Variants in RBM27 observed in about 807,000 individuals in gnomAD.
The protein encoded by RBM27 is RNA-binding protein 27.
Under a neutral mutation model 135.3 loss-of-function variants are expected in RBM27, and 22 were observed. The ratio of observed to expected loss-of-function variants is 0.16; its 90% confidence interval spans 0.12 to 0.23. The LOEUF (loss-of-function observed/expected upper bound fraction) is 0.23. RBM27 is among the 10% of genes least tolerant of loss of function. The pLI, the probability that RBM27 is intolerant of heterozygous loss-of-function variation, is 1.00. For missense variants in RBM27, 1,009 were observed against 1,281.0 expected, an observed-to-expected ratio of 0.79 and a Z score of 3.24; for synonymous variants, 481 against 442.4, an observed-to-expected ratio of 1.09 and a Z score of -1.10.
At chr5:146,228,248 A>T (rs934056327) in intron 3 of RBM27, among the ~76,000 whole-genome samples, 1 of 148,974 alleles carries the variant, frequency 6.7e-6, no homozygotes, top group Non-Finnish European at 1.5e-5. Context: ...AGGTAGATGG[A>T]CATGTTTCAT....
At chr5:146,260,373 T>G (rs966213434) in intron 11 of RBM27, among the ~76,000 whole-genome samples, 2 of 152,140 alleles carry the variant, frequency 1.3e-5, no homozygotes, top group African/African-American at 4.8e-5. Context: ...AAAGGAACTT[T>G]AAACAAATTA....
At chr5:146,210,752 C>T (rs1447123998) in intron 1 of RBM27, among the ~76,000 whole-genome samples, 1 of 150,890 alleles carries the variant, frequency 6.6e-6, no homozygotes, top group Non-Finnish European at 1.5e-5. Context: ...TGGAGACCAT[C>T]CTGGCTAACA....
At chr5:146,261,167 CA>C (rs1475759397) in intron 12 of RBM27, among the ~76,000 whole-genome samples, 3 of 152,182 alleles carry the variant, frequency 2.0e-5, no homozygotes, top group Admixed American at 2.0e-4. Flanking sequence ...AGTCCAAGAT[CA>C]AGGTGCTGGA....
intron 12 of RBM27, 45 bp from the exon 13 acceptor site, chr5:146,261,465 C>G (rs1395234518): frequency 6.6e-7 from 1 of 1,515,164 alleles, no homozygotes; most frequent in Non-Finnish European, 9.1e-7. Context: ...ATTTATTTAA[C>G]TATTTTCTGT....
intron 10 of RBM27, among the ~76,000 whole-genome samples, chr5:146,255,494 A>G (rs192989079): frequency 3.3e-5 from 5 of 152,344 alleles, no homozygotes; most frequent in Admixed American, 1.3e-4. Flanking sequence ...CACACTAATT[A>G]TATTGAGAAT....
At chr5:146,278,952 A>T (rs989477495) in intron 19 of RBM27, among the ~76,000 whole-genome samples, 2 of 151,150 alleles carry the variant, frequency 1.3e-5, no homozygotes, top group Admixed American at 1.3e-4. Context: ...CGATCTCCTG[A>T]CCTCGTGATC....
intron 1 of RBM27, among the ~76,000 whole-genome samples, chr5:146,217,631 G>A (rs2126705546): frequency 6.6e-6 from 1 of 151,726 alleles, no homozygotes; most frequent in Non-Finnish European, 1.5e-5. Context: ...CTTTCTGGCT[G>A]CTAGTGAAGG....
rs182850441 is a variant in RBM27 at position 146,222,332 on chromosome 5, A to G, written c.179-1071A>G. 4.0e-3 allele frequency among the ~76,000 whole-genome samples: 608 copies of G among 152,350 alleles called. 6 individuals carry two copies. Among genetic ancestry groups the G allele is most frequent in the South Asian group, 0.031 (150 of 4,828 alleles). ...AAGCAGAGTTTGTGTTGTGCTTTTA[A>G]TATGCTCTTTAGCTGTTCCTTAGGG... On this transcript the variant is annotated intron_variant, in intron 2 of 20. Transcript: ENST00000265271.
At chr5:146,240,127 T>G (rs1468586174) in intron 8 of RBM27, among the ~76,000 whole-genome samples, 1 of 152,120 alleles carries the variant, frequency 6.6e-6, no homozygotes, top group Non-Finnish European at 1.5e-5. Context: ...CTTTGTCCAC[T>G]ATTCCTCAAC....
intron 13 of RBM27, 75 bp from the exon 14 acceptor site, chr5:146,263,416 A>G (rs1416385033): frequency 1.4e-6 from 2 of 1,419,148 alleles, no homozygotes; most frequent in African/African-American, 1.4e-5. Context: ...CCCTAGAGTA[A>G]TCATCTTAAA....
chr5:146,280,666 C>G (rs1759303177), intron 19 of RBM27, among the ~76,000 whole-genome samples: 1 of 152,080 alleles, frequency 6.6e-6, no homozygotes, highest in Admixed American at 6.5e-5. Flanking sequence ...TTCATCTACT[C>G]ACTAAAATTT....
intron 14 of RBM27, among the ~76,000 whole-genome samples, chr5:146,265,897 A>G (rs1041189117): frequency 6.6e-6 from 1 of 152,174 alleles, no homozygotes; most frequent in African/African-American, 2.4e-5. Flanking sequence ...AATAGAAACT[A>G]TCCGTATTAA....
Position 146,263,635 on chromosome 5 carries a change from T to C in RBM27, c.2331+4T>C, listed in dbSNP as rs779003271. On this transcript the variant is annotated splice_donor_region_variant and intron_variant, in intron 14 of 20. Transcript: ENST00000265271. ...TGGTGCTGGAGAAGATTGCCAGGTA[T>C]GCATTTTTGGGAGCTTCAGATATAT... 1.9e-6 allele frequency: 3 copies of C among 1,613,172 alleles called. No individual in the cohort carries two copies. Among genetic ancestry groups the C allele is most frequent in the South Asian group, 2.2e-5 (2 of 90,828 alleles).
chr5:146,269,526 A>T lies in RBM27; in HGVS notation c.2633A>T (p.Asp878Val). ...ELGEKISQLK[D>V]ELKTSSAVST... is the part of the protein sequence containing the mutation. ...GGAGAGAAGATCTCACAATTAAAAG[A>T]TGAATTAAAAACATCTTCTGCAGTC... The change falls in exon 17 of 21, where the codon GAT becomes GTT. Residue 878 changes from aspartate to valine, a missense_variant. Transcript: ENST00000265271. 1 of 1,582,666 alleles carries T rather than the reference A, an allele frequency of 6.3e-7. No homozygotes were observed. Among genetic ancestry groups the T allele is most frequent in the Non-Finnish European group, 8.6e-7 (1 of 1,169,496 alleles).
At chr5:146,262,984 T>C (rs1465566175) in intron 13 of RBM27, among the ~76,000 whole-genome samples, 1 of 151,756 alleles carries the variant, frequency 6.6e-6, no homozygotes, top group African/African-American at 2.4e-5. Context: ...TGCCTCCTGG[T>C]TCAGGCTACC....
chr5:146,204,725 G>A (rs1755552637), intron 1 of RBM27, among the ~76,000 whole-genome samples: 1 of 152,108 alleles, frequency 6.6e-6, no homozygotes, highest in Non-Finnish European at 1.5e-5. Flanking sequence ...CCATTGAGAG[G>A]ACAGTTTTGT....
rs1350973748 is a variant in RBM27, at chr5:146,286,678, T to C, written c.*648T>C. The stretch of plus-strand genomic sequence containing the variant: ...GCTACAGCAATGGTAGCTAGCTCTA[T>C]AGTATTTCCATTCTCTTGTCATATG... On this transcript the variant is annotated 3_prime_UTR_variant, in exon 21 of 21. Transcript: ENST00000265271. The C allele has an allele frequency of 6.6e-6, 1 of 152,182 alleles. No homozygotes were observed. The highest frequency in any genetic ancestry group is 1.5e-5 in the Non-Finnish European group (1 of 68,050). The allele number at this position is 152,182 out of a possible 1,614,324, so 9.4% of individuals were successfully genotyped here. A position where few individuals can be genotyped will look rare whatever the true frequency, so the allele number is the denominator to read the frequency against.
rs562671159 is a variant in RBM27, at chr5:146,213,560, A to C, written c.60-5425A>C. 5.9e-5 allele frequency among the ~76,000 whole-genome samples: 9 copies of C among 152,306 alleles called. No individual in the cohort carries two copies. The East Asian group carries it at 1.7e-3, about 29-fold the overall frequency. ...TTAGATCCATATTCAGAAACATGTA[A>C]ATTTTTCTGCAAGTGGGAAAGGTCT... On this transcript the variant is annotated intron_variant, in intron 1 of 20. Transcript: ENST00000265271.
intron 7 of RBM27, 76 bp from the exon 8 acceptor site, chr5:146,237,222 G>A: frequency 1.3e-6 from 2 of 1,558,716 alleles, no homozygotes; most frequent in Non-Finnish European, 1.8e-6. Flanking sequence ...ACAGGTGTGA[G>A]CCACTGCTCC....
Sources: gnomAD v4.1 joint callset for allele counts (sites outside exome capture counted in the v4.1 genomes callset) on GRCh38, gnomAD v4.1.1 for gene constraint, MANE v1.5 for transcripts, NCBI Gene and HGNC (gene_info 2026-07-23, HGNC 2026-07-21) for gene names.